Variants in NRXN3 observed in about 807,000 individuals in gnomAD.
NRXN3 encodes the protein neurexin III.
NRXN3 carries 32 observed loss-of-function variants against 137.6 expected under a neutral mutation model. That is an observed-to-expected ratio of 0.23 (90% CI 0.18 to 0.31). NRXN3 has a LOEUF of 0.31. Among genes scored for constraint, NRXN3 ranks in the 10% least tolerant of loss-of-function variants. The pLI is 1.00. For missense variants in NRXN3, 1,574 were observed against 2,062.5 expected, an observed-to-expected ratio of 0.76 and a Z score of 4.59; for synonymous variants, 798 against 784.5, an observed-to-expected ratio of 1.02 and a Z score of -0.29.
chr14:79,340,913 A>G (rs2092576585), intron 15 of NRXN3, among the ~76,000 whole-genome samples: 2 of 152,174 alleles, frequency 1.3e-5, no homozygotes, highest in African/African-American at 4.8e-5. Context: ...TTCTTTTAGT[A>G]TTTTATATTC....
At chr14:79,180,877 A>C in intron 15 of NRXN3, among the ~76,000 whole-genome samples, 1 of 152,156 alleles carries the variant, frequency 6.6e-6, no homozygotes, top group East Asian at 1.9e-4. Context: ...TACAATCTAT[A>C]GTGCTATATG....
chr14:79,389,131 G>A (rs2094751996), intron 15 of NRXN3, among the ~76,000 whole-genome samples: 1 of 152,190 alleles, frequency 6.6e-6, no homozygotes, highest in Non-Finnish European at 1.5e-5. Context: ...GTCAGACATT[G>A]TCGTAAGTTG....
At chr14:79,725,242 A>G (rs940708677) in intron 19 of NRXN3, among the ~76,000 whole-genome samples, 1 of 152,178 alleles carries the variant, frequency 6.6e-6, no homozygotes, top group African/African-American at 2.4e-5. Flanking sequence ...GTTCCTGAGG[A>G]ACTTTAGATT....
At chr14:79,438,184 G>T (rs1567127624) in intron 15 of NRXN3, among the ~76,000 whole-genome samples, 3 of 152,152 alleles carry the variant, frequency 2.0e-5, no homozygotes, top group Admixed American at 6.5e-5. Flanking sequence ...CTGTAGCCTT[G>T]TCTGGACTCC....
At chr14:78,842,463 A>G (rs919321656) in intron 10 of NRXN3, among the ~76,000 whole-genome samples, 4 of 152,114 alleles carry the variant, frequency 2.6e-5, no homozygotes, top group African/African-American at 9.7e-5. Flanking sequence ...CATGCTTCAC[A>G]AGGTAATAAG....
At chr14:78,810,767 G>A (rs1205869571) in intron 10 of NRXN3, among the ~76,000 whole-genome samples, 1 of 152,166 alleles carries the variant, frequency 6.6e-6, no homozygotes, top group Non-Finnish European at 1.5e-5. Flanking sequence ...ACCCACAGGT[G>A]GCTGCCAACT....
rs546932704 is a variant in NRXN3, at chr14:78,975,811, C to G, written c.3142+7465C>G. On this transcript the variant is annotated intron_variant, in intron 14 of 20. Transcript: ENST00000335750. ...CCCTCTCCACTGCTACACTGTTATT[C>G]TGGTTAGTAGCACATGTATTTTCAC... is the stretch of plus-strand genomic sequence containing the variant. Among the ~76,000 whole-genome samples, 12 of 152,318 alleles carry G rather than the reference C, an allele frequency of 7.9e-5. No homozygotes were observed. In the South Asian group the frequency reaches 2.5e-3, roughly 32 times the overall value.
At chr14:78,492,734 A>G (rs1330874618) in intron 4 of NRXN3, among the ~76,000 whole-genome samples, 1 of 152,228 alleles carries the variant, frequency 6.6e-6, no homozygotes, top group African/African-American at 2.4e-5. Flanking sequence ...CATAGATAGC[A>G]GGTAAGAAAA....
intron 15 of NRXN3, among the ~76,000 whole-genome samples, chr14:79,336,020 G>A (rs1489386739): frequency 6.6e-6 from 1 of 152,050 alleles, no homozygotes; most frequent in Non-Finnish European, 1.5e-5. Context: ...CAGACAGTTT[G>A]GTTGCAAGCA....
intron 19 of NRXN3, among the ~76,000 whole-genome samples, chr14:79,744,943 G>A (rs2098974764): frequency 6.6e-6 from 1 of 151,446 alleles, no homozygotes; most frequent in African/African-American, 2.4e-5. Flanking sequence ...AGAAAAGCTT[G>A]CTAGGGCAAG....
At chr14:78,914,606 A>G (rs762183956) in intron 10 of NRXN3, among the ~76,000 whole-genome samples, 1 of 152,142 alleles carries the variant, frequency 6.6e-6, no homozygotes, top group African/African-American at 2.4e-5. Context: ...CAGAAAGTAT[A>G]ATGGAGCTTA....
At chr14:78,832,009 C>CA (rs1454154748) in intron 10 of NRXN3, among the ~76,000 whole-genome samples, 3 of 151,772 alleles carry the variant, frequency 2.0e-5, no homozygotes, top group Non-Finnish European at 4.4e-5. Flanking sequence ...AAGAGGAGGA[C>CA]AAAAAGGTTA....
At chr14:79,669,384 T>A (rs2098593328) in intron 17 of NRXN3, among the ~76,000 whole-genome samples, 2 of 152,088 alleles carry the variant, frequency 1.3e-5, no homozygotes, top group Non-Finnish European at 2.9e-5. Flanking sequence ...GCTCCAACAT[T>A]CAGTCACAAA....
At chr14:79,300,614 C>T (rs2084972348) in intron 15 of NRXN3, among the ~76,000 whole-genome samples, 1 of 152,012 alleles carries the variant, frequency 6.6e-6, no homozygotes, top group Non-Finnish European at 1.5e-5. Flanking sequence ...ACTTGGTGGT[C>T]TCAGGGCTGC....
At position 79,732,879 on chromosome 14, in the gene NRXN3, T is replaced by C. The variant is rs937003213; in HGVS notation, c.4014+34942T>C. 3.9e-5 allele frequency among the ~76,000 whole-genome samples: 6 copies of C among 152,302 alleles called. No homozygotes were observed. The South Asian group carries it at 1.0e-3, about 26-fold the overall frequency. On this transcript the variant is annotated intron_variant, in intron 19 of 20. Transcript: ENST00000335750. ...ACTCTTAAACACTATTTATACAGTA[T>C]TAATGTGATTTGACAAAAGTGGCAT...
At chr14:78,949,180 T>C (rs545154868) in intron 10 of NRXN3, among the ~76,000 whole-genome samples, 2 of 152,296 alleles carry the variant, frequency 1.3e-5, no homozygotes, top group South Asian at 4.1e-4. Context: ...CTGCCTGATA[T>C]CTTTCAGCTC....
intron 15 of NRXN3, among the ~76,000 whole-genome samples, chr14:79,242,695 G>A (rs1042414034): frequency 5.3e-5 from 8 of 152,132 alleles, no homozygotes; most frequent in Admixed American, 5.2e-4. Context: ...AGGTCATTAG[G>A]AAGTGTGAGG....
chr14:79,757,658 C>G (rs1425068873), intron 19 of NRXN3, among the ~76,000 whole-genome samples: 2 of 152,138 alleles, frequency 1.3e-5, no homozygotes, highest in Non-Finnish European at 2.9e-5. Flanking sequence ...GGGAAGAATG[C>G]TAGCCTAGAA....
rs557073433 is a variant in NRXN3, at chr14:79,231,407, G to A, written c.3263-235814G>A. ...TAGTGTCATAGTGATGAGTGGCACA[G>A]ATGAGCAAACAGATAATTAAGGAAA... is the stretch of plus-strand genomic sequence containing the variant. On this transcript the variant is annotated intron_variant, in intron 15 of 20. Transcript: ENST00000335750. Among the ~76,000 whole-genome samples the A allele has an allele frequency of 2.0e-5, 3 of 152,298 alleles. No homozygotes were observed. The East Asian group carries it at 5.8e-4, about 29-fold the overall frequency.
Sources: gnomAD v4.1 joint callset for allele counts (sites outside exome capture counted in the v4.1 genomes callset) on GRCh38, gnomAD v4.1.1 for gene constraint, MANE v1.5 for transcripts, NCBI Gene and HGNC (gene_info 2026-07-23, HGNC 2026-07-21) for gene names.